The following ERBB4 variants were observed in gnomAD, a reference collection of about 807,000 sequenced individuals.
ERBB4 encodes receptor tyrosine-protein kinase erbB-4.
ERBB4 carries 42 observed loss-of-function variants against 158.0 expected under a neutral mutation model. The observed-to-expected ratio is 0.27, with a 90% CI of 0.21 to 0.34. The LOEUF (loss-of-function observed/expected upper bound fraction) is 0.34. Among genes scored for constraint, ERBB4 ranks in the 10% least tolerant of loss-of-function variants. The pLI is 1.00. For missense variants in ERBB4, 1,333 were observed against 1,624.1 expected (o/e 0.82, Z 3.08); for synonymous variants, 583 against 558.7 (o/e 1.04, Z -0.61).
chr2:212,510,735 T>G (rs992976161), intron 1 of ERBB4, among the ~76,000 whole-genome samples: 3 of 152,042 alleles, frequency 2.0e-5, no homozygotes, highest in African/African-American at 7.2e-5. Context: ...AACATATAAG[T>G]GGGACATCTG....
intron 1 of ERBB4, among the ~76,000 whole-genome samples, chr2:212,371,883 T>C (rs1442699157): frequency 6.6e-6 from 1 of 152,200 alleles, no homozygotes; most frequent in African/African-American, 2.4e-5. Flanking sequence ...AGGCGAGAAC[T>C]TGGTTTGTGT....
At chr2:212,282,815 G>T (rs1213363981) in intron 1 of ERBB4, among the ~76,000 whole-genome samples, 1 of 151,916 alleles carries the variant, frequency 6.6e-6, no homozygotes. Context: ...ATCACTGGAA[G>T]TAACAGGATG....
Position 211,947,495 on chromosome 2 carries a change from A to G in ERBB4, c.356T>C (p.Ile119Thr), listed in dbSNP as rs761676413. 11 of 1,613,882 alleles carry G rather than the reference A, an allele frequency of 6.8e-6. No individual in the cohort carries two copies. The highest frequency in any genetic ancestry group is 8.5e-6 in the Non-Finnish European group (10 of 1,179,898). ...KLYEDRYALA[I>T]FLNYRKDGNF... The stretch of plus-strand genomic sequence containing the variant: ...TCCATCTTTTCTGTAGTTTAAAAAT[A>G]TTGCCAAGGCATATCGATCCTCATA... The change falls in exon 3 of 28, where the codon ATA (isoleucine) becomes ACA (threonine). Residue 119 changes from isoleucine to threonine, a missense_variant. Physicochemically the swap from Ile to Thr is moderately conservative, Grantham distance 89 (BLOSUM62 -1). Around this residue, in one of 5 missense-constraint regions of ERBB4, gnomAD observed 438 missense variants for 586.9 expected, o/e 0.75. Transcript: ENST00000342788.
chr2:211,831,379 T>C (rs1408407128), intron 3 of ERBB4, among the ~76,000 whole-genome samples: 3 of 152,098 alleles, frequency 2.0e-5, no homozygotes, highest in East Asian at 3.9e-4. Flanking sequence ...TGAGAGAGCT[T>C]TTCAGGGTCT....
chr2:211,414,994 C>CAGTA (rs2063350546), intron 25 of ERBB4, among the ~76,000 whole-genome samples: 2 of 150,874 alleles, frequency 1.3e-5, no homozygotes, highest in Admixed American at 1.3e-4. Context: ...AGTGAGCATT[C>CAGTA]AGTAAGTTTT....
intron 1 of ERBB4, among the ~76,000 whole-genome samples, chr2:212,217,924 A>T (rs10175497): frequency 1.3e-5 from 2 of 150,870 alleles, no homozygotes; most frequent in Non-Finnish European, 3.0e-5. Context: ...GGTGCACTTA[A>T]ATCTTAAGAC....
intron 2 of ERBB4, among the ~76,000 whole-genome samples, chr2:212,022,694 A>ATTTTTT (rs2076683037): frequency 1.3e-5 from 2 of 152,156 alleles, no homozygotes; most frequent in Admixed American, 6.6e-5. Flanking sequence ...TAAAAAATAA[A>ATTTTTT]AAACATAAAA....
At chr2:211,581,804 G>C (rs1222822083) in intron 19 of ERBB4, among the ~76,000 whole-genome samples, 1 of 152,140 alleles carries the variant, frequency 6.6e-6, no homozygotes. Flanking sequence ...GAGGTCAAGA[G>C]ATTGAGACCA....
chr2:212,057,041 G>C (rs571616013), intron 2 of ERBB4, among the ~76,000 whole-genome samples: 6 of 152,198 alleles, frequency 3.9e-5, no homozygotes, highest in African/African-American at 1.4e-4. Context: ...CCCATCTCAC[G>C]TGCAGAGACA....
chr2:212,392,812 A>G (rs1161910975), intron 1 of ERBB4, among the ~76,000 whole-genome samples: 1 of 152,008 alleles, frequency 6.6e-6, no homozygotes. Context: ...ATGAGCTGTG[A>G]GCAGAGATTA....
chr2:211,679,119 G>T lies in ERBB4; in HGVS notation c.1555C>A (p.Gln519Lys), dbSNP rs2105959592. The change falls in exon 13 of 28, where the codon CAA becomes AAA. Residue 519 changes from glutamine (Q) to lysine (K), a missense_variant. This residue lies in a region of ERBB4 where 245 missense variants were observed against 247.5 expected (regional missense o/e 0.99). Transcript: ENST00000342788. ...SDGCWGPGPD[Q>K]CLSCRRFSRG... ...CTGAAGCGGCGACACGACAGACATT[G>T]GTCTGGCCCAGGTCCCCAACAGCCA... The T allele has an allele frequency of 1.2e-6, 2 of 1,613,812 alleles. No homozygotes were observed. The highest frequency in any genetic ancestry group is 1.1e-5 in the South Asian group (1 of 91,028).
At chr2:211,424,019 C>G in intron 23 of ERBB4, 136 bp downstream of exon 23, 1 of 824,322 alleles carries the variant, frequency 1.2e-6, no homozygotes, top group Non-Finnish European at 2.1e-6. Context: ...AACAAAGAGG[C>G]GTTCATATGT....
At chr2:211,852,823 C>T (rs2106038970) in intron 3 of ERBB4, among the ~76,000 whole-genome samples, 1 of 151,986 alleles carries the variant, frequency 6.6e-6, no homozygotes, top group South Asian at 2.1e-4. Flanking sequence ...CTTTTCTCAG[C>T]TCAATACTAC....
chr2:212,071,325 A>C (rs377525605), intron 2 of ERBB4, among the ~76,000 whole-genome samples: 2,802 of 138,808 alleles, frequency 0.02, 48 homozygotes, highest in Middle Eastern at 0.076. Context: ...AAAAAAAAAA[A>C]CCCACTCAGA....
At chr2:212,296,888 T>A (rs1372714688) in intron 1 of ERBB4, among the ~76,000 whole-genome samples, 1 of 151,816 alleles carries the variant, frequency 6.6e-6, no homozygotes, top group African/African-American at 2.4e-5. Flanking sequence ...AAACTACAGC[T>A]CTCTCCAGAT....
chr2:211,414,117 T>C (rs1300122111), intron 25 of ERBB4, among the ~76,000 whole-genome samples: 1 of 152,184 alleles, frequency 6.6e-6, no homozygotes, highest in Admixed American at 6.5e-5. Flanking sequence ...CCCTTCCCTA[T>C]CTGCCTAGGC....
At chr2:212,059,279 A>G (rs962789082) in intron 2 of ERBB4, among the ~76,000 whole-genome samples, 18 of 152,212 alleles carry the variant, frequency 1.2e-4, no homozygotes, top group Non-Finnish European at 2.5e-4. Context: ...CCACTGCTCA[A>G]TGAAATAAAA....
At chr2:212,187,267 A>T (rs73987281) in intron 1 of ERBB4, among the ~76,000 whole-genome samples, 3,511 of 152,190 alleles carry the variant, frequency 0.023, 128 homozygotes, top group African/African-American at 0.08. Context: ...CACAATTACC[A>T]GCATGTGAGA....
Position 212,033,001 on chromosome 2 carries a change from T to C in ERBB4, c.235-85385A>G, listed in dbSNP as rs559855997. 2.8e-4 allele frequency among the ~76,000 whole-genome samples: 43 copies of C among 152,054 alleles called. 1 individual carries two copies. Among genetic ancestry groups the C allele is most frequent in the African/African-American group, 1.0e-3 (42 of 41,556 alleles). On this transcript the variant is annotated intron_variant, in intron 2 of 27. Transcript: ENST00000342788. ...ACTTAGCAAGATGACTAATTTCACT[T>C]CTATGTGAGAGTTGATAGGAAACTG...
Sources: allele counts gnomAD v4.1 joint callset (sites outside exome capture counted in the v4.1 genomes callset), GRCh38; gene constraint gnomAD v4.1.1; regional missense constraint gnomAD v4.1.1; transcripts MANE v1.5; gene names NCBI Gene and HGNC (gene_info 2026-07-23, HGNC 2026-07-21).